EEA1: variants seen among roughly 807,000 people sequenced by gnomAD.
EEA1 encodes early endosome antigen 1.
EEA1 carries 111 observed loss-of-function variants against 209.2 expected under a neutral mutation model. That is an observed-to-expected ratio of 0.53 (90% CI 0.45 to 0.62). The LOEUF (loss-of-function observed/expected upper bound fraction) is 0.62. Ranked by LOEUF, EEA1 falls within the 20% of genes least tolerant of loss-of-function variation. EEA1 has a pLI of 0.00. For missense variants in EEA1, 1,343 were observed against 1,530.8 expected (o/e 0.88, Z 2.05); for synonymous variants, 536 against 540.6 (o/e 0.99, Z 0.12).
Position 92,790,248 on chromosome 12 carries a change from G to A in EEA1, c.2968-2199C>T, listed in dbSNP as rs758978455. On this transcript the variant is annotated intron_variant, in intron 21 of 28. Transcript: ENST00000322349. ...CTCCTCCAAAAGATCACAGCTCCTC[G>A]CCAGCAACAGAACAAAGCTGGATGG... is the stretch of plus-strand genomic sequence containing the variant. Among the ~76,000 whole-genome samples, 7 of 152,132 alleles carry A rather than the reference G, an allele frequency of 4.6e-5. No homozygotes were observed. The South Asian group carries it at 6.2e-4, about 14-fold the overall frequency.
chr12:92,893,947 G>A (rs992904445), intron 1 of EEA1, among the ~76,000 whole-genome samples: 3 of 151,768 alleles, frequency 2.0e-5, no homozygotes, highest in African/African-American at 2.4e-5. Flanking sequence ...CAGATGTGGC[G>A]CTTTTTAGAT....
chr12:92,894,489 G>A (rs935124280), intron 1 of EEA1, among the ~76,000 whole-genome samples: 3 of 151,878 alleles, frequency 2.0e-5, no homozygotes, highest in Non-Finnish European at 4.4e-5. Flanking sequence ...AAGTTCCTGG[G>A]GAAATTAAAA....
intron 2 of EEA1, among the ~76,000 whole-genome samples, chr12:92,868,189 C>T (rs539422634): frequency 6.6e-6 from 1 of 152,176 alleles, no homozygotes; most frequent in Non-Finnish European, 1.5e-5. Context: ...AGATATGGTA[C>T]TCAACATTGT....
intron 2 of EEA1, among the ~76,000 whole-genome samples, chr12:92,866,191 CAAAAAAAAA>C (rs11317190): frequency 1.4e-5 from 1 of 71,728 alleles, no homozygotes; most frequent in Non-Finnish European, 2.5e-5. Context: ...GACTCCTTCT[CAAAAAAAAA>C]AAAAAAAAAA....
chr12:92,823,706 A>AT (rs1048161853), intron 13 of EEA1, among the ~76,000 whole-genome samples: 10 of 152,294 alleles, frequency 6.6e-5, no homozygotes, highest in African/African-American at 2.4e-4. Context: ...TCCCCAGGGA[A>AT]TAAGAATTTA....
chr12:92,910,613 G>T, intron 1 of EEA1, among the ~76,000 whole-genome samples: 1 of 152,118 alleles, frequency 6.6e-6, no homozygotes, highest in South Asian at 2.1e-4. Flanking sequence ...CGCAATCCAT[G>T]AAAGAAAGAA....
At chr12:92,916,124 T>A (rs906314139) in intron 1 of EEA1, among the ~76,000 whole-genome samples, 1 of 152,184 alleles carries the variant, frequency 6.6e-6, no homozygotes, top group East Asian at 1.9e-4. Flanking sequence ...ATGATTAAAA[T>A]TGACCTACAT....
Position 92,832,111 on chromosome 12 carries a change from AAT to A in EEA1, c.1254+399_1254+400del, listed in dbSNP as rs1400942054. Among the ~76,000 whole-genome samples, 1,078 of 151,830 alleles carry A rather than the reference AAT, an allele frequency of 7.1e-3. 19 individuals are homozygous for A. Among genetic ancestry groups the A allele is most frequent in the African/African-American group, 0.024 (993 of 41,272 alleles). ...TCCGTCTCAAAAAAAAAAAAAAAAA[AAT>A]ATCCAATTTGTATGCTATTTGTTTT... On this transcript the variant is annotated intron_variant, in intron 11 of 28. Coordinates refer to ENST00000322349, the MANE Select transcript of EEA1 (RefSeq NM_003566.4).
chr12:92,838,814 G>C (rs1047735257), intron 10 of EEA1, among the ~76,000 whole-genome samples: 92 of 152,168 alleles, frequency 6.0e-4, no homozygotes, highest in African/African-American at 2.1e-3. Flanking sequence ...ATAAAAAATA[G>C]AAAGTATACA....
intron 2 of EEA1, among the ~76,000 whole-genome samples, chr12:92,870,326 AGCTAT>A (rs750887933): frequency 2.0e-4 from 31 of 152,174 alleles, no homozygotes; most frequent in Non-Finnish European, 4.3e-4. Context: ...ATTTTTTAAA[AGCTAT>A]GTTTCCTTTG....
chr12:92,859,345 G>C, intron 3 of EEA1: 1 of 963,852 alleles, frequency 1.0e-6, no homozygotes, highest in South Asian at 1.5e-5. Flanking sequence ...CTGAGGGAAA[G>C]GGCCTTCCTT....
chr12:92,868,755 A>T (rs560262722), intron 2 of EEA1, among the ~76,000 whole-genome samples: 2 of 152,362 alleles, frequency 1.3e-5, no homozygotes, highest in Admixed American at 6.5e-5. Flanking sequence ...AATAAAAATA[A>T]ATCTTTCTAA....
chr12:92,823,200 A>G (rs927242301), intron 13 of EEA1, among the ~76,000 whole-genome samples: 1 of 152,218 alleles, frequency 6.6e-6, no homozygotes, highest in African/African-American at 2.4e-5. Flanking sequence ...CTATTTAAAA[A>G]GCAAATCTGA....
chr12:92,840,608 G>C (rs1374413755), intron 10 of EEA1, among the ~76,000 whole-genome samples: 1 of 152,186 alleles, frequency 6.6e-6, no homozygotes, highest in Non-Finnish European at 1.5e-5. Flanking sequence ...CACCGCACCT[G>C]GCCAATGTTG....
chr12:92,779,948 A>C (rs920355684), intron 24 of EEA1, among the ~76,000 whole-genome samples: 1 of 152,148 alleles, frequency 6.6e-6, no homozygotes, highest in Non-Finnish European at 1.5e-5. Flanking sequence ...TTTAAATCTT[A>C]CTTCTAAACT....
At chr12:92,888,121 G>A (rs1456720200) in intron 2 of EEA1, among the ~76,000 whole-genome samples, 1 of 152,088 alleles carries the variant, frequency 6.6e-6, no homozygotes, top group Non-Finnish European at 1.5e-5. Flanking sequence ...AAAAGACAGA[G>A]ATGGAAGTTT....
intron 1 of EEA1, among the ~76,000 whole-genome samples, chr12:92,906,069 G>A (rs1472240324): frequency 2.7e-5 from 4 of 150,080 alleles, no homozygotes; most frequent in African/African-American, 9.8e-5. Flanking sequence ...ACCACACCTG[G>A]CTAATTTTCT....
At chr12:92,859,096 A>T in intron 3 of EEA1, 1 of 886,756 alleles carries the variant, frequency 1.1e-6, no homozygotes, top group Non-Finnish European at 1.8e-6. Context: ...CCATTATAGT[A>T]CCTCTCAGAA....
chr12:92,818,544 C>T (rs1404778579), intron 14 of EEA1, among the ~76,000 whole-genome samples: 3 of 152,082 alleles, frequency 2.0e-5, no homozygotes, highest in African/African-American at 7.2e-5. Context: ...TGATAAGCAA[C>T]ATCAAGTTGT....
Sources: gnomAD v4.1 joint callset for allele counts (sites outside exome capture counted in the v4.1 genomes callset) on GRCh38, gnomAD v4.1.1 for gene constraint, MANE v1.5 for transcripts, NCBI Gene and HGNC (gene_info 2026-07-23, HGNC 2026-07-21) for gene names.